SLC25A51: variants seen among roughly 807,000 people sequenced by gnomAD.
SLC25A51 encodes the protein mitochondrial nicotinamide adenine dinucleotide transporter SLC25A51.
In SLC25A51, 11 loss-of-function variants were observed where a neutral mutation model predicts 19.1. That is an observed-to-expected ratio of 0.58 (90% confidence interval 0.36 to 0.96). SLC25A51 has a LOEUF of 0.96. Among genes scored for constraint, SLC25A51 ranks in the 40% least tolerant of loss-of-function variants. SLC25A51 has a pLI of 0.01. For missense variants in SLC25A51, 201 were observed against 365.4 expected (o/e 0.55, Z 3.67); for synonymous variants, 105 against 133.6 (o/e 0.79, Z 1.47).
chr9:37,888,151 T>C lies in SLC25A51; in HGVS notation c.400A>G (p.Ile134Val). The C allele has an allele frequency of 1.2e-6, 2 of 1,613,936 alleles. No individual in the cohort carries two copies. The highest frequency in any genetic ancestry group is 1.7e-6 in the Non-Finnish European group (2 of 1,179,854). The change falls in exon 3 of 3, where the codon ATT becomes GTT. Residue 134 changes from isoleucine (I) to valine (V), a missense_variant. Ile to Val is a conservative substitution (Grantham distance 29). Transcript: ENST00000242275. ...TGAACTCTTTCCAGTGGAGTGAAAA[T>C]TGCTTCTGTTGTCCCTGCAAGCACT... ...AAVLAGTTEA[I>V]FTPLERVQTL... is the part of the protein sequence containing the mutation.
downstream of SLC25A51, chr9:37,886,079 G>A: frequency 6.4e-7 from 1 of 1,572,834 alleles, no homozygotes; most frequent in Non-Finnish European, 8.8e-7. Context: ...TTTTGGGACG[G>A]TGGATGCTGG....
At chr9:37,881,636 C>CAAACA (rs1831352082) in intron 2 of SLC25A51, 1 of 150,454 alleles carries the variant, frequency 6.6e-6, no homozygotes, top group Admixed American at 6.6e-5. Context: ...GAAACCCTGT[C>CAAACA]AAACAAACAA....
chr9:37,884,293 G>T (rs974809446), downstream of SLC25A51, among the ~76,000 whole-genome samples: 2 of 152,210 alleles, frequency 1.3e-5, no homozygotes, highest in Non-Finnish European at 2.9e-5. Context: ...TGACAAATAA[G>T]TTTTTGTCTG....
At chr9:37,881,466 G>A (rs1210159999) in intron 3 of SLC25A51, 1 of 152,102 alleles carries the variant, frequency 6.6e-6, no homozygotes, top group Non-Finnish European at 1.5e-5. Context: ...GACCAGCCTG[G>A]GCAACATGAT....
intron 2 of SLC25A51, among the ~76,000 whole-genome samples, chr9:37,882,444 C>T (rs1303972871): frequency 6.6e-6 from 1 of 152,196 alleles, no homozygotes; most frequent in Non-Finnish European, 1.5e-5. Flanking sequence ...ACATTGTAAC[C>T]AAGCTTGGGA....
At chr9:37,894,655 G>A (rs1024068759) in intron 2 of SLC25A51, among the ~76,000 whole-genome samples, 2 of 152,042 alleles carry the variant, frequency 1.3e-5, no homozygotes, top group South Asian at 2.1e-4. Context: ...TCTGAGGTAC[G>A]TGTGCAGGTT....
At chr9:37,898,330 T>C (rs1587170234) in intron 2 of SLC25A51, among the ~76,000 whole-genome samples, 1 of 151,914 alleles carries the variant, frequency 6.6e-6, no homozygotes, top group Non-Finnish European at 1.5e-5. Flanking sequence ...CTGAGACGGG[T>C]GGATCACCTG....
chr9:37,888,329 C>T lies in SLC25A51; in HGVS notation c.222G>A (p.Arg74=). Residue 74 remains arginine, a synonymous_variant, in exon 3 of 3, where the codon AGG becomes AGA. Coordinates refer to ENST00000242275, the MANE Select transcript of SLC25A51 (RefSeq NM_033412.4). ...CACGATACAAATTTCGAAATCCATC[C>T]CTTCTCAACTGAAGTATTGCATCCC... ...KTRDAILQLR[R]DGFRNLYRGI... The T allele has an allele frequency of 6.2e-7, 1 of 1,614,242 alleles. No individual in the cohort carries two copies. Among genetic ancestry groups the T allele is most frequent in the Non-Finnish European group, 8.5e-7 (1 of 1,180,040 alleles).
chr9:37,891,438 C>T (rs1298773881), intron 2 of SLC25A51, among the ~76,000 whole-genome samples: 2 of 152,242 alleles, frequency 1.3e-5, no homozygotes, highest in African/African-American at 4.8e-5. Context: ...GGGGAAAAGA[C>T]AGAGAAATCA....
At chr9:37,899,635 G>T (rs1587171851) in intron 2 of SLC25A51, among the ~76,000 whole-genome samples, 194 bp downstream of exon 2, 2 of 152,244 alleles carry the variant, frequency 1.3e-5, no homozygotes, top group Non-Finnish European at 1.5e-5. Context: ...AAAGTGTTGG[G>T]ATTATGGGCA....
At chr9:37,883,543 A>C (rs997576137), downstream of SLC25A51, among the ~76,000 whole-genome samples, 8 of 152,234 alleles carry the variant, frequency 5.3e-5, no homozygotes, top group African/African-American at 1.4e-4. Context: ...GAGTGTAAAG[A>C]CAAAAGGAAG....
chr9:37,877,815 C>T (rs1831281613), downstream of SLC25A51, among the ~76,000 whole-genome samples: 1 of 152,056 alleles, frequency 6.6e-6, no homozygotes, highest in Non-Finnish European at 1.5e-5. Context: ...TGAGACCAGC[C>T]TAGGCAACAT....
chr9:37,885,035 C>G (rs1278654178), downstream of SLC25A51, among the ~76,000 whole-genome samples: 1 of 152,068 alleles, frequency 6.6e-6, no homozygotes, highest in East Asian at 1.9e-4. Flanking sequence ...AAAGCCTATA[C>G]CTAATAAGCT....
chr9:37,886,136 C>G, downstream of SLC25A51: 3 of 1,434,422 alleles, frequency 2.1e-6, no homozygotes, highest in Non-Finnish European at 3.0e-6. Flanking sequence ...CACATCACCC[C>G]TCACCAATCA....
intron 2 of SLC25A51, among the ~76,000 whole-genome samples, chr9:37,896,147 A>AT (rs1831709735): frequency 6.6e-6 from 1 of 152,168 alleles, no homozygotes. Context: ...TCTCTGGAAT[A>AT]TCAGTTTAAG....
Position 37,888,447 on chromosome 9 carries a change from A to C in SLC25A51, c.104T>G (p.Leu35Trp), listed in dbSNP as rs780863868. Residue 35 changes from leucine to tryptophan, a missense_variant, in exon 3 of 3, where the codon TTG becomes TGG. Physicochemically the swap from Leu to Trp is moderately conservative, Grantham distance 61. Transcript: ENST00000242275. ...GTTGAAGGCTGCACAGCAGCCACACAAGTAATGCTTCATCTCACCAACATT... is the reference window on the plus strand; with the variant it reads ...GTTGAAGGCTGCACAGCAGCCACACCAGTAATGCTTCATCTCACCAACATT... ...ITNVGEMKHY[L>W]CGCCAAFNNV... 6.2e-7 allele frequency: 1 copy of C among 1,614,264 alleles called. No individual in the cohort carries two copies. The highest frequency in any genetic ancestry group is 1.1e-5 in the South Asian group (1 of 91,092).
intron 2 of SLC25A51, among the ~76,000 whole-genome samples, chr9:37,894,260 C>T (rs900505259): frequency 4.1e-4 from 62 of 151,888 alleles, no homozygotes; most frequent in African/African-American, 1.4e-3. Flanking sequence ...TTTTTAATTC[C>T]AAGACCTTCC....
At position 37,894,695 on chromosome 9, in the gene SLC25A51, T is replaced by C. The variant is rs535850945; in HGVS notation, c.-43+5134A>G. 1.4e-4 allele frequency among the ~76,000 whole-genome samples: 21 copies of C among 152,268 alleles called. No individual in the cohort carries two copies. In the East Asian group the frequency reaches 3.3e-3, roughly 24 times the overall value. On this transcript the variant is annotated intron_variant, in intron 2 of 2. Coordinates refer to ENST00000242275, the MANE Select transcript of SLC25A51 (RefSeq NM_033412.4). ...ATGTAAACTTGTGCCATGGGGTTTG[T>C]TGTACAGATTATTTCGCCACCCAGG...
chr9:37,884,691 A>G (rs995863496), downstream of SLC25A51, among the ~76,000 whole-genome samples: 1 of 152,210 alleles, frequency 6.6e-6, no homozygotes, highest in Non-Finnish European at 1.5e-5. Flanking sequence ...AAAAATAACC[A>G]CAGGCCTTTG....
Sources: gnomAD v4.1 joint callset for allele counts (sites outside exome capture counted in the v4.1 genomes callset) on GRCh38, gnomAD v4.1.1 for gene constraint, MANE v1.5 for transcripts, NCBI Gene and HGNC (gene_info 2026-07-23, HGNC 2026-07-21) for gene names.